The following TUBA1C variants were observed in gnomAD, a reference collection of about 807,000 sequenced individuals.
The protein encoded by TUBA1C is tubulin alpha-1C chain.
Under a neutral mutation model 34.9 loss-of-function variants are expected in TUBA1C, and 16 were observed. The ratio of observed to expected loss-of-function variants is 0.46; its 90% CI spans 0.31 to 0.70. The LOEUF (loss-of-function observed/expected upper bound fraction) is 0.70, where lower values mean the gene tolerates loss of function less well. Among genes scored for constraint, TUBA1C ranks in the 30% least tolerant of loss-of-function variants. The pLI, the probability that TUBA1C is intolerant of heterozygous loss-of-function variation, is 0.05. For synonymous variants in TUBA1C, 177 were observed against 215.9 expected, an observed-to-expected ratio of 0.82 and a Z score of 1.58; for missense variants, 329 against 587.3, an observed-to-expected ratio of 0.56 and a Z score of 4.55.
rs1942967993 is a variant in TUBA1C at position 49,269,920 on chromosome 12, C to T, written c.319C>T (p.His107Tyr). ...TGCTGCCAATAACTATGCCCGAGGG[C>T]ACTACACCATTGGCAAGGAGATCAT... ...EDAANNYARG[H>Y]YTIGKEIIDL... The change falls in exon 3 of 4, where the codon CAC becomes TAC. Residue 107 changes from histidine to tyrosine, a missense_variant. Coordinates refer to ENST00000301072, the MANE Select transcript of TUBA1C (RefSeq NM_032704.5). 2 of 1,614,188 alleles carry T rather than the reference C, an allele frequency of 1.2e-6. No individual in the cohort carries two copies. Among genetic ancestry groups the T allele is most frequent in the Non-Finnish European group, 1.7e-6 (2 of 1,180,046 alleles).
chr12:49,245,348 C>A (rs1350087723), intron 1 of TUBA1C, among the ~76,000 whole-genome samples: 5 of 152,208 alleles, frequency 3.3e-5, no homozygotes, highest in Non-Finnish European at 5.9e-5. Context: ...CACCTGTAAT[C>A]CCAGCACTTT....
chr12:49,237,273 G>A lies in TUBA1C; in HGVS notation c.213+9107G>A, dbSNP rs540710832. Among the ~76,000 whole-genome samples the A allele has an allele frequency of 5.3e-5, 8 of 151,626 alleles. No individual in the cohort carries two copies. The East Asian group carries it at 1.4e-3, about 26-fold the overall frequency. ...CATCTCTACTAAAAATACAAAATTAGCCGGGAGTGGTGGCGCGTACCTGTA... is the reference window on the plus strand; with the variant it reads ...CATCTCTACTAAAAATACAAAATTAACCGGGAGTGGTGGCGCGTACCTGTA... On this transcript the variant is annotated intron_variant, in intron 1 of 3. Coordinates refer to the TUBA1C transcript ENST00000541364.
chr12:49,252,428 GAC>G (rs1942740198), intron 1 of TUBA1C, among the ~76,000 whole-genome samples: 1 of 152,160 alleles, frequency 6.6e-6, no homozygotes, highest in African/African-American at 2.4e-5. Flanking sequence ...TAACATGGAA[GAC>G]ATAGCAGTAG....
intron 1 of TUBA1C, among the ~76,000 whole-genome samples, chr12:49,235,141 G>T (rs1942539790): frequency 6.6e-6 from 1 of 151,842 alleles, no homozygotes; most frequent in African/African-American, 2.4e-5. Context: ...ATTAATTTGG[G>T]ATTGCGTAAT....
rs1942887058 is a variant in TUBA1C, at chr12:49,265,108, A to G, written c.-74A>G. ...CTACTTCTCCCCCGGACTCCTTGGT[A>G]GTCTGTTAGTGGGAGATCCTTGTTG... On this transcript the variant is annotated 5_prime_UTR_variant, in exon 1 of 4. Coordinates refer to ENST00000301072, the MANE Select transcript of TUBA1C (RefSeq NM_032704.5). 6 of 1,549,156 alleles carry G rather than the reference A, an allele frequency of 3.9e-6. No individual in the cohort carries two copies. Among genetic ancestry groups the G allele is most frequent in the Non-Finnish European group, 5.3e-6 (6 of 1,140,062 alleles).
chr12:49,242,755 T>C (rs1031429835), intron 1 of TUBA1C, among the ~76,000 whole-genome samples: 1 of 152,186 alleles, frequency 6.6e-6, no homozygotes, highest in Admixed American at 6.5e-5. Flanking sequence ...CCCAAAGTGC[T>C]GGGAATACAG....
chr12:49,269,810 C>T lies in TUBA1C; in HGVS notation c.227-18C>T. On this transcript the variant is annotated intron_variant, in intron 2 of 3. Coordinates refer to ENST00000301072, the MANE Select transcript of TUBA1C (RefSeq NM_032704.5). Reference sequence around the variant, plus strand: ...CCGCTCCTTGTCCCTCCTCCTCCTCCCCCATCATGTTCTCCAGATGAAGTT... The same window carrying T: ...CCGCTCCTTGTCCCTCCTCCTCCTCTCCCATCATGTTCTCCAGATGAAGTT... 6.2e-7 allele frequency: 1 copy of T among 1,614,022 alleles called. No homozygotes were observed. Among genetic ancestry groups the T allele is most frequent in the Non-Finnish European group, 8.5e-7 (1 of 1,180,000 alleles).
At position 49,272,306 on chromosome 12, in the gene TUBA1C, G is replaced by A. The variant is rs1943002075; in HGVS notation, c.429G>A (p.Gly143=). Residue 143 remains glycine, a synonymous_variant, in exon 4 of 4, where the codon GGG becomes GGA. Transcript: ENST00000301072. ...TCTTGGTTTTCCACAGCTTTGGTGG[G>A]GGAACTGGTTCTGGGTTCACCTCGC... ...QGFLVFHSFG[G]GTGSGFTSLL... 1 of 1,614,042 alleles carries A rather than the reference G, an allele frequency of 6.2e-7. No homozygotes were observed.
intron 3 of TUBA1C, among the ~76,000 whole-genome samples, chr12:49,271,003 C>A (rs2335451): frequency 0.38 from 56,180 of 148,170 alleles, 12,867 homozygotes; most frequent in East Asian, 0.76. Context: ...ACAAAAAAAA[C>A]CCTAAGCTTT....
intron 1 of TUBA1C, among the ~76,000 whole-genome samples, chr12:49,257,306 T>G (rs2137008079): frequency 6.6e-6 from 1 of 152,116 alleles, no homozygotes; most frequent in African/African-American, 2.4e-5. Flanking sequence ...AGCCTCCATT[T>G]CCTCTCCTGT....
In TUBA1C at chr12:49,269,572, A is replaced by G. The variant is rs1386251381; in HGVS notation, c.111A>G (p.Pro37=). Residue 37 remains proline (P), a synonymous_variant, in exon 2 of 4, where the codon CCA becomes CCG. Coordinates refer to ENST00000301072, the MANE Select transcript of TUBA1C (RefSeq NM_032704.5). The part of the protein sequence containing the change: ...EHGIQPDGQM[P]SDKTIGGGDD... ...GCATCCAGCCCGATGGCCAGATGCC[A>G]AGTGACAAGACCATTGGGGGAGGAG... is the stretch of plus-strand genomic sequence containing the variant. 33 of 1,614,110 alleles carry G rather than the reference A, an allele frequency of 2.0e-5. No individual in the cohort carries two copies. The Admixed American group carries it at 3.2e-4, about 15-fold the overall frequency.
chr12:49,237,456 C>T (rs1942567531), intron 1 of TUBA1C, among the ~76,000 whole-genome samples: 1 of 148,486 alleles, frequency 6.7e-6, no homozygotes, highest in South Asian at 2.1e-4. Context: ...TAAAAATCTA[C>T]CCTGGGCTGG....
intron 1 of TUBA1C, among the ~76,000 whole-genome samples, chr12:49,238,340 T>C (rs1383793583): frequency 1.3e-5 from 2 of 152,192 alleles, no homozygotes; most frequent in African/African-American, 4.8e-5. Context: ...CTGTGACCTC[T>C]GGTCACCAAA....
At chr12:49,238,096 C>T (rs953252776) in intron 1 of TUBA1C, among the ~76,000 whole-genome samples, 5 of 147,330 alleles carry the variant, frequency 3.4e-5, no homozygotes, top group Middle Eastern at 3.4e-3. Flanking sequence ...GTGACAAGAG[C>T]GAGATTCCGC....
intron 1 of TUBA1C, among the ~76,000 whole-genome samples, chr12:49,239,415 C>T (rs567377207): frequency 2.0e-4 from 30 of 152,040 alleles, no homozygotes; most frequent in Middle Eastern, 3.4e-3. Context: ...CCGAAGCGGG[C>T]GGATCACCTG....
intron 1 of TUBA1C, among the ~76,000 whole-genome samples, chr12:49,246,144 G>T (rs1440108837): frequency 2.6e-5 from 4 of 151,482 alleles, no homozygotes; most frequent in African/African-American, 4.8e-5. Flanking sequence ...GATCTCAAGT[G>T]ATCTGCCCGC....
intron 1 of TUBA1C, among the ~76,000 whole-genome samples, chr12:49,243,312 G>T: frequency 6.6e-6 from 1 of 152,018 alleles, no homozygotes; most frequent in Non-Finnish European, 1.5e-5. Flanking sequence ...CTGGTGGCGC[G>T]CGCCTGGAGT....
intron 1 of TUBA1C, among the ~76,000 whole-genome samples, chr12:49,230,461 G>A (rs1942485281): frequency 6.6e-6 from 1 of 152,110 alleles, no homozygotes; most frequent in African/African-American, 2.4e-5. Context: ...GAATATTTGA[G>A]CATTTACCTT....
chr12:49,272,154 A>T, intron 3 of TUBA1C, 99 bp from the exon 4 acceptor site: 1 of 1,518,132 alleles, frequency 6.6e-7, no homozygotes, highest in Non-Finnish European at 8.8e-7. Context: ...TTGCAATTGG[A>T]GTAGCCATAG....
Sources: gnomAD v4.1 joint callset for allele counts (sites outside exome capture counted in the v4.1 genomes callset) on GRCh38, gnomAD v4.1.1 for gene constraint, MANE v1.5 for transcripts, NCBI Gene and HGNC (gene_info 2026-07-23, HGNC 2026-07-21) for gene names.